Variants in NFIB observed in about 807,000 individuals in gnomAD.
The protein encoded by NFIB is nuclear factor 1 B-type.
A neutral mutation model predicts 61.5 loss-of-function variants in NFIB; 11 were observed. The ratio of observed to expected loss-of-function variants is 0.18; its 90% CI spans 0.11 to 0.30. The LOEUF (loss-of-function observed/expected upper bound fraction) is 0.30. NFIB is among the 10% of genes least tolerant of loss of function. NFIB has a pLI of 1.00. For synonymous variants in NFIB, 260 were observed against 216.5 expected, an observed-to-expected ratio of 1.20 and a Z score of -1.76; for missense variants, 471 against 608.9, an observed-to-expected ratio of 0.77 and a Z score of 2.38.
chr9:14,490,302 TA>T, the NFIB span, among the ~76,000 whole-genome samples: 2 of 152,042 alleles, frequency 1.3e-5, no homozygotes, highest in African/African-American at 4.8e-5. Flanking sequence ...CATACACATA[TA>T]AAAAATCAAA....
rs12554059 is a variant in NFIB at position 14,157,408 on chromosome 9, C to A, written c.617-1515G>T. On this transcript the variant is annotated intron_variant, in intron 3 of 10. Transcript: ENST00000380953. ...CACTGATGTTTGACATCCACCCACC[C>A]ACCTTCTTTAGAAACAGAATGAAAG... Among the ~76,000 whole-genome samples the A allele has an allele frequency of 4.9e-3, 747 of 152,248 alleles. 18 individuals carry two copies. Among genetic ancestry groups the A allele is most frequent in the Admixed American group, 0.038 (588 of 15,294 alleles).
chr9:14,145,270 C>G (rs1421164942), intron 6 of NFIB, among the ~76,000 whole-genome samples: 2 of 152,110 alleles, frequency 1.3e-5, no homozygotes, highest in Non-Finnish European at 2.9e-5. Flanking sequence ...TTTGCCTCCC[C>G]ACCTAACACA....
chr9:14,384,222 C>T (rs1200291921), intron 1 of NFIB, among the ~76,000 whole-genome samples: 1 of 152,166 alleles, frequency 6.6e-6, no homozygotes, highest in Non-Finnish European at 1.5e-5. Flanking sequence ...CAGCTCCCCA[C>T]CCCTGTTACA....
chr9:14,310,902 T>C (rs2060248443), intron 1 of NFIB, among the ~76,000 whole-genome samples: 1 of 152,092 alleles, frequency 6.6e-6, no homozygotes, highest in African/African-American at 2.4e-5. Flanking sequence ...AACATAGAGG[T>C]AGAAGAGTAA....
chr9:14,299,732 TC>T (rs1398949830), intron 2 of NFIB, among the ~76,000 whole-genome samples: 1 of 152,210 alleles, frequency 6.6e-6, no homozygotes, highest in African/African-American at 2.4e-5. Flanking sequence ...TGTCAGTGAT[TC>T]ATCAGTGCTG....
rs146300623 is a variant in NFIB at position 14,270,341 on chromosome 9, T to C, written c.562+36648A>G. On this transcript the variant is annotated intron_variant, in intron 2 of 10. Coordinates refer to ENST00000380953, the MANE Select transcript of NFIB (RefSeq NM_001190737.2). ...AAGCTTTTATACTGCTTGTGGCACA[T>C]AGTCAGTTGCTTATTGCCAAGGGAA... 1.3e-3 allele frequency among the ~76,000 whole-genome samples: 198 copies of C among 152,180 alleles called. 2 individuals are homozygous for C. The East Asian group carries it at 0.03, about 23-fold the overall frequency.
rs1056140610 is a variant in NFIB, at chr9:14,143,102, G to A, written c.925+3587C>T. Among the ~76,000 whole-genome samples, 23 of 151,948 alleles carry A rather than the reference G, an allele frequency of 1.5e-4. 4 individuals carry two copies. The highest frequency in any genetic ancestry group is 1.3e-3 in the Admixed American group (20 of 15,244). The stretch of plus-strand genomic sequence containing the variant: ...GCTTAACACTATTAAATTATGGTTA[G>A]TTTTAAAATATTCATGTCTATATTT... On this transcript the variant is annotated intron_variant, in intron 6 of 10. Transcript: ENST00000380953.
chr9:14,240,263 CTCTT>C (rs2054215659), intron 2 of NFIB, among the ~76,000 whole-genome samples: 3 of 151,802 alleles, frequency 2.0e-5, no homozygotes, highest in Non-Finnish European at 4.4e-5. Flanking sequence ...CTCTCCCTCT[CTCTT>C]TCTCTCCCTC....
chr9:14,409,545 C>T, the NFIB span, among the ~76,000 whole-genome samples: 1 of 152,154 alleles, frequency 6.6e-6, no homozygotes, highest in South Asian at 2.1e-4. Flanking sequence ...GGGAGTACTT[C>T]TAGGGTTAGA....
the NFIB span, among the ~76,000 whole-genome samples, chr9:14,496,018 T>C: frequency 5.9e-5 from 9 of 152,320 alleles, no homozygotes; most frequent in African/African-American, 2.2e-4. Context: ...AGCTACCTCA[T>C]AGGGCTGTTG....
At chr9:14,504,651 G>C in the NFIB span, among the ~76,000 whole-genome samples, 1 of 152,184 alleles carries the variant, frequency 6.6e-6, no homozygotes, top group Non-Finnish European at 1.5e-5. Context: ...TTGGTGTATA[G>C]CAGAGCTACT....
chr9:14,162,543 G>C (rs1465879137), intron 3 of NFIB, among the ~76,000 whole-genome samples: 3 of 151,858 alleles, frequency 2.0e-5, no homozygotes, highest in Non-Finnish European at 2.9e-5. Context: ...GGAAATTTTT[G>C]TATTTTATTT....
chr9:14,212,156 C>T (rs1182329195), intron 2 of NFIB, among the ~76,000 whole-genome samples: 2 of 152,190 alleles, frequency 1.3e-5, no homozygotes, highest in Non-Finnish European at 2.9e-5. Flanking sequence ...GCCTAGCCTA[C>T]GGCTGTAAGG....
intron 2 of NFIB, among the ~76,000 whole-genome samples, chr9:14,205,529 C>G (rs1587596404): frequency 6.6e-6 from 1 of 151,966 alleles, no homozygotes; most frequent in African/African-American, 2.4e-5. Flanking sequence ...CAGCCAAATA[C>G]TGCATAATGA....
intron 2 of NFIB, among the ~76,000 whole-genome samples, chr9:14,224,673 T>A (rs1484069240): frequency 6.6e-6 from 1 of 152,230 alleles, no homozygotes. Flanking sequence ...GTGCACAGGT[T>A]ACATACAAAT....
chr9:14,449,790 C>G, the NFIB span, among the ~76,000 whole-genome samples: 1 of 151,812 alleles, frequency 6.6e-6, no homozygotes, highest in Admixed American at 6.6e-5. Context: ...AAAAATTAGC[C>G]AGACATGGTG....
chr9:14,121,894 T>C (rs1006778529), intron 7 of NFIB, among the ~76,000 whole-genome samples: 3 of 152,118 alleles, frequency 2.0e-5, no homozygotes, highest in African/African-American at 7.2e-5. Context: ...AATCTTAAGT[T>C]TGAAAGATGG....
chr9:14,420,445 CAAAAAAAAA>C, the NFIB span, among the ~76,000 whole-genome samples: 2 of 42,416 alleles, frequency 4.7e-5, no homozygotes, highest in Non-Finnish European at 8.1e-5. Context: ...GACTCCGTCT[CAAAAAAAAA>C]AAAAAAAAAA....
intron 2 of NFIB, among the ~76,000 whole-genome samples, chr9:14,197,301 T>A (rs2048576611): frequency 6.6e-6 from 1 of 152,230 alleles, no homozygotes; most frequent in South Asian, 2.1e-4. Context: ...TCAAACAAGC[T>A]ATAATAAAAC....
Sources: allele counts gnomAD v4.1 joint callset (sites outside exome capture counted in the v4.1 genomes callset), GRCh38; gene constraint gnomAD v4.1.1; transcripts MANE v1.5; gene names NCBI Gene and HGNC (gene_info 2026-07-23, HGNC 2026-07-21).